Variants in OSBPL10 observed in about 807,000 individuals in gnomAD.
OSBPL10 encodes the protein oxysterol binding protein like 10.
In OSBPL10, 49 loss-of-function variants were observed where a neutral mutation model predicts 81.7. The ratio of observed to expected loss-of-function variants is 0.60; its 90% CI spans 0.48 to 0.76. The LOEUF (loss-of-function observed/expected upper bound fraction) is 0.76, where lower values mean the gene tolerates loss of function less well. Ranked by LOEUF, OSBPL10 falls within the 30% of genes least tolerant of loss-of-function variation. OSBPL10 has a pLI of 0.00. For missense variants in OSBPL10, 923 were observed against 987.8 expected, an observed-to-expected ratio of 0.93 and a Z score of 0.88; for synonymous variants, 419 against 383.6, an observed-to-expected ratio of 1.09 and a Z score of -1.08.
At chr3:31,933,991 A>G (rs1697317348) in intron 1 of OSBPL10, among the ~76,000 whole-genome samples, 1 of 152,038 alleles carries the variant, frequency 6.6e-6, no homozygotes, top group South Asian at 2.1e-4. Flanking sequence ...AAATAAATGT[A>G]CATCTGAGTC....
intron 2 of OSBPL10, among the ~76,000 whole-genome samples, chr3:32,039,360 T>TAA (rs36117908): frequency 1.4e-5 from 2 of 145,192 alleles, no homozygotes; most frequent in Admixed American, 1.4e-4. Flanking sequence ...ATTAGTTAAT[T>TAA]AAAAAAAAAA....
At chr3:31,882,097 T>C (rs1039043178) in intron 1 of OSBPL10, among the ~76,000 whole-genome samples, 2 of 152,232 alleles carry the variant, frequency 1.3e-5, no homozygotes, top group African/African-American at 2.4e-5. Flanking sequence ...CTCCTTTGCC[T>C]GGCAGTAGAG....
chr3:31,805,268 A>G (rs910618356), intron 4 of OSBPL10, among the ~76,000 whole-genome samples: 17 of 152,282 alleles, frequency 1.1e-4, no homozygotes, highest in African/African-American at 3.1e-4. Flanking sequence ...AGAATTTGCA[A>G]TGCTCTCTCC....
chr3:31,952,249 T>A (rs1399137876), intron 1 of OSBPL10, among the ~76,000 whole-genome samples: 1 of 151,674 alleles, frequency 6.6e-6, no homozygotes, highest in African/African-American at 2.4e-5. Context: ...ATATGTTTTC[T>A]TCAGTGAGGC....
At chr3:31,779,925 A>G (rs1272807128) in intron 4 of OSBPL10, among the ~76,000 whole-genome samples, 1 of 152,212 alleles carries the variant, frequency 6.6e-6, no homozygotes, top group East Asian at 1.9e-4. Flanking sequence ...ATACATAGAA[A>G]TTAATTAATT....
At chr3:31,750,540 T>C (rs1697678700) in intron 4 of OSBPL10, among the ~76,000 whole-genome samples, 1 of 152,238 alleles carries the variant, frequency 6.6e-6, no homozygotes, top group South Asian at 2.1e-4. Context: ...TACTGCCAAC[T>C]AGTTAAATTT....
At chr3:31,733,091 G>A in intron 6 of OSBPL10, 166 bp downstream of exon 6, 1 of 849,650 alleles carries the variant, frequency 1.2e-6, no homozygotes, top group Non-Finnish European at 1.8e-6. Flanking sequence ...AACATGAGAA[G>A]TGCCGGGCAT....
At chr3:31,860,299 T>G (rs1188577807) in intron 3 of OSBPL10, among the ~76,000 whole-genome samples, 1 of 152,046 alleles carries the variant, frequency 6.6e-6, no homozygotes, top group Non-Finnish European at 1.5e-5. Flanking sequence ...ACATCCAGAG[T>G]TGTATTTTAC....
At chr3:32,057,543 C>T (rs1699721668) in intron 1 of OSBPL10, among the ~76,000 whole-genome samples, 1 of 152,114 alleles carries the variant, frequency 6.6e-6, no homozygotes, top group African/African-American at 2.4e-5. Flanking sequence ...AGCAAGGCAC[C>T]TTCTTAACAG....
rs71097448 is a variant in OSBPL10 at position 31,822,938 on chromosome 3, G to GA, written c.729+7101dup. 4.5e-3 allele frequency among the ~76,000 whole-genome samples: 598 copies of GA among 133,388 alleles called. 6 individuals carry two copies. Among genetic ancestry groups the GA allele is most frequent in the African/African-American group, 0.015 (560 of 36,632 alleles). 87.5% of individuals were successfully genotyped at this position (133,388 alleles called of 152,430 possible). A position where few individuals can be genotyped will look rare whatever the true frequency, so the allele number is the denominator to read the frequency against. On this transcript the variant is annotated intron_variant, in intron 4 of 11. Coordinates refer to ENST00000396556, the MANE Select transcript of OSBPL10 (RefSeq NM_017784.5). Reference sequence around the variant, plus strand: ...TAAAAAAAAAAAAAAAGTTAAAATAGAAAAAAAAATACAATACAATAAATA... The same window carrying GA: ...TAAAAAAAAAAAAAAAGTTAAAATAGAAAAAAAAAATACAATACAATAAATA...
intron 4 of OSBPL10, among the ~76,000 whole-genome samples, chr3:31,778,268 A>T (rs1340488673): frequency 5.3e-5 from 8 of 152,182 alleles, no homozygotes; most frequent in Non-Finnish European, 1.0e-4. Context: ...CCCTAGTGAC[A>T]GAGGCAGCCA....
intron 4 of OSBPL10, among the ~76,000 whole-genome samples, chr3:31,817,284 T>C (rs1386414548): frequency 6.6e-6 from 1 of 152,088 alleles, no homozygotes; most frequent in Non-Finnish European, 1.5e-5. Flanking sequence ...CCTGCTGCCA[T>C]TCAGGGCCCC....
intron 2 of OSBPL10, among the ~76,000 whole-genome samples, chr3:32,023,573 A>T (rs953870960): frequency 1.3e-5 from 2 of 152,132 alleles, no homozygotes; most frequent in African/African-American, 4.8e-5. Flanking sequence ...TGCTTGGGCC[A>T]CCCACAAGCC....
intron 9 of OSBPL10, 80 bp from the exon 10 acceptor site, chr3:31,668,904 A>AC (rs1310816195): frequency 2.3e-4 from 249 of 1,097,492 alleles, no homozygotes; most frequent in Non-Finnish European, 3.0e-4. Flanking sequence ...ATCTCTAGAG[A>AC]TTTTTTTTTT....
chr3:31,835,143 C>T (rs781184112), intron 3 of OSBPL10, among the ~76,000 whole-genome samples: 9 of 152,086 alleles, frequency 5.9e-5, no homozygotes, highest in African/African-American at 1.4e-4. Context: ...CTTAAGGCTT[C>T]CTTAACTTTA....
At chr3:32,018,884 A>G (rs1351162309) in intron 2 of OSBPL10, among the ~76,000 whole-genome samples, 1 of 152,204 alleles carries the variant, frequency 6.6e-6, no homozygotes, top group African/African-American at 2.4e-5. Context: ...GAACTCAGCA[A>G]TGAAAAGATA....
At chr3:31,890,205 A>C (rs1695853957) in intron 1 of OSBPL10, among the ~76,000 whole-genome samples, 1 of 149,820 alleles carries the variant, frequency 6.7e-6, no homozygotes, top group Non-Finnish European at 1.5e-5. Flanking sequence ...TATGCCAAGC[A>C]TTTCTCTCAA....
chr3:31,826,716 C>G (rs1186173199), intron 4 of OSBPL10, among the ~76,000 whole-genome samples: 3 of 152,130 alleles, frequency 2.0e-5, no homozygotes, highest in African/African-American at 7.2e-5. Flanking sequence ...AAAGCAGTGG[C>G]CTTTATGCTC....
At chr3:31,681,262 G>A (rs1700633304) in intron 8 of OSBPL10, among the ~76,000 whole-genome samples, 1 of 152,150 alleles carries the variant, frequency 6.6e-6, no homozygotes, top group Non-Finnish European at 1.5e-5. Context: ...CCCCAGTGAA[G>A]GCCCAACACG....
Sources: gnomAD v4.1 joint callset for allele counts (sites outside exome capture counted in the v4.1 genomes callset) on GRCh38, gnomAD v4.1.1 for gene constraint, MANE v1.5 for transcripts, NCBI Gene and HGNC (gene_info 2026-07-23, HGNC 2026-07-21) for gene names.